NCKAP1L: variants seen among roughly 807,000 people sequenced by gnomAD.
The protein encoded by NCKAP1L is NCK associated protein 1 like.
A neutral mutation model predicts 139.2 loss-of-function variants in NCKAP1L; 53 were observed. That is an observed-to-expected ratio of 0.38 (90% CI 0.31 to 0.48). NCKAP1L has a LOEUF of 0.48. Among genes scored for constraint, NCKAP1L ranks in the 20% least tolerant of loss-of-function variants. NCKAP1L has a pLI of 0.98. For missense variants in NCKAP1L, 1,151 were observed against 1,381.9 expected, an observed-to-expected ratio of 0.83 and a Z score of 2.65; for synonymous variants, 468 against 499.7, an observed-to-expected ratio of 0.94 and a Z score of 0.85.
chr12:54,505,671 T>TC (rs1956834374), intron 3 of NCKAP1L, among the ~76,000 whole-genome samples: 1 of 151,452 alleles, frequency 6.6e-6, no homozygotes, highest in African/African-American at 2.4e-5. Context: ...TCCTCCCTTT[T>TC]TTTTTTTTGA....
At position 54,511,997 on chromosome 12, in the gene NCKAP1L, A is replaced by G; in HGVS notation, c.833A>G (p.Gln278Arg). 1 of 1,614,226 alleles carries G rather than the reference A, an allele frequency of 6.2e-7. No individual in the cohort carries two copies. Among genetic ancestry groups the G allele is most frequent in the Non-Finnish European group, 8.5e-7 (1 of 1,180,042 alleles). The change falls in exon 9 of 31, where the codon CAG becomes CGG. Residue 278 changes from glutamine to arginine, a missense_variant. Transcript: ENST00000293373. ...HGCLNSNSQC[Q>R]KLWKLCLQGS... ...TGCCTCAACTCCAATAGCCAGTGCC[A>G]GAAGCTGTGGAAGCTGTGTCTGCAG...
At chr12:54,519,049 A>G in intron 15 of NCKAP1L, 77 bp downstream of exon 15, 1 of 1,553,012 alleles carries the variant, frequency 6.4e-7, no homozygotes. Flanking sequence ...TTTATCTCCT[A>G]AATTTGCTTT....
intron 20 of NCKAP1L, 65 bp from the exon 21 acceptor site, chr12:54,526,463 C>T: frequency 1.5e-6 from 2 of 1,295,076 alleles, no homozygotes; most frequent in Non-Finnish European, 2.2e-6. Context: ...AATATACACT[C>T]AACAATTGTT....
In NCKAP1L at chr12:54,528,335, G is replaced by A. The variant is rs750642189; in HGVS notation, c.2464G>A (p.Gly822Arg). The part of the protein sequence containing the change: ...MQAFVSLPRE[G>R]EQNFSAEEFS... ...GGCCTTCGTCAGCCTGCCCAGAGAAGGGGAGCAGAACTTCAGTGCAGAGGA... is the reference window on the plus strand; with the variant it reads ...GGCCTTCGTCAGCCTGCCCAGAGAAAGGGAGCAGAACTTCAGTGCAGAGGA... The change falls in exon 22 of 31, where the codon GGG becomes AGG. Residue 822 changes from glycine to arginine, a missense_variant. Physicochemically the swap from Gly to Arg is moderately radical, Grantham distance 125 (BLOSUM62 -2). Coordinates refer to ENST00000293373, the MANE Select transcript of NCKAP1L (RefSeq NM_005337.5). 11 of 1,614,048 alleles carry A rather than the reference G, an allele frequency of 6.8e-6. No homozygotes were observed. Among genetic ancestry groups the A allele is most frequent in the Non-Finnish European group, 9.3e-6 (11 of 1,179,968 alleles).
chr12:54,521,007 G>A (rs564494607), intron 17 of NCKAP1L, 112 bp from the exon 18 acceptor site: 131 of 1,544,364 alleles, frequency 8.5e-5, no homozygotes, highest in Non-Finnish European at 3.5e-6. Context: ...TCTTCTGTAG[G>A]AATGGGTAGG....
In NCKAP1L at chr12:54,509,686, G is replaced by A. The variant is rs180951280; in HGVS notation, c.524G>A (p.Arg175His). The change falls in exon 6 of 31, where the codon CGT becomes CAT. Residue 175 changes from arginine (R) to histidine (H), a missense_variant. By Grantham distance (29) the Arg-to-His change is conservative (BLOSUM62 0). Transcript: ENST00000293373. ...LHGHGDPSFA[R>H]LGQMVLEYDH... ...TCTTCTAGTGACCCCAGTTTTGCCC[G>A]TCTGGGTCAGATGGTCTTGGAGTAT... 33 of 1,614,074 alleles carry A rather than the reference G, an allele frequency of 2.0e-5. No individual in the cohort carries two copies. The highest frequency in any genetic ancestry group is 8.9e-5 in the East Asian group (4 of 44,888).
intron 18 of NCKAP1L, among the ~76,000 whole-genome samples, chr12:54,521,603 C>A (rs922270940): frequency 8.5e-5 from 13 of 152,190 alleles, no homozygotes; most frequent in African/African-American, 3.1e-4. Flanking sequence ...CCTGTCTTAT[C>A]TCATCTTTCT....
At chr12:54,525,386 A>G (rs1015513110) in intron 20 of NCKAP1L, among the ~76,000 whole-genome samples, 1 of 152,236 alleles carries the variant, frequency 6.6e-6, no homozygotes, top group African/African-American at 2.4e-5. Flanking sequence ...TTTTCATTAC[A>G]TACACGTTAA....
chr12:54,500,496 T>G (rs1326434487), intron 2 of NCKAP1L, 37 bp from the exon 3 acceptor site: 4 of 1,376,120 alleles, frequency 2.9e-6, no homozygotes, highest in Non-Finnish European at 4.1e-6. Flanking sequence ...TGTCTTATTT[T>G]GCACTTTTTT....
intron 7 of NCKAP1L, 138 bp from the exon 8 acceptor site, chr12:54,511,665 C>T: frequency 2.4e-6 from 2 of 833,794 alleles, no homozygotes; most frequent in Non-Finnish European, 3.8e-6. Flanking sequence ...CCCCTGCCTC[C>T]TAAAGTGTTG....
rs775506512 is a variant in NCKAP1L at position 54,517,919 on chromosome 12, T to A, written c.1319T>A (p.Val440Glu). The A allele has an allele frequency of 3.0e-5, 49 of 1,614,042 alleles. No individual in the cohort carries two copies. Among genetic ancestry groups the A allele is most frequent in the Non-Finnish European group, 3.8e-5 (45 of 1,180,018 alleles). ...LQYLARFDAL[V>E]LSDIIQNLSV... ...TACTTGGCAAGATTTGATGCTCTTG[T>A]GCTCAGTGACATCATTCAGGTATGA... Residue 440 changes from valine (V) to glutamate (E), a missense_variant, in exon 13 of 31, where the codon GTG (valine) becomes GAG (glutamate). By Grantham distance (121) the Val-to-Glu change is moderately radical (BLOSUM62 -2). Coordinates refer to ENST00000293373, the MANE Select transcript of NCKAP1L (RefSeq NM_005337.5).
intron 22 of NCKAP1L, among the ~76,000 whole-genome samples, chr12:54,529,588 C>T (rs759711176): frequency 5.3e-5 from 8 of 152,266 alleles, no homozygotes; most frequent in Non-Finnish European, 7.4e-5. Context: ...CCCATCATCC[C>T]GCCTCCATCA....
At chr12:54,538,722 A>T (rs1957132960) in intron 29 of NCKAP1L, among the ~76,000 whole-genome samples, 162 bp from the exon 30 acceptor site, 1 of 152,180 alleles carries the variant, frequency 6.6e-6, no homozygotes, top group African/African-American at 2.4e-5. Flanking sequence ...GGCAACATGT[A>T]TCTCTGAAAC....
chr12:54,503,050 G>C (rs1465806712), intron 3 of NCKAP1L, among the ~76,000 whole-genome samples: 1 of 150,292 alleles, frequency 6.7e-6, no homozygotes, highest in African/African-American at 2.4e-5. Flanking sequence ...CTAATATACA[G>C]CCCATATTCA....
At chr12:54,526,806 C>A in intron 21 of NCKAP1L, 60 bp downstream of exon 21, 1 of 1,457,816 alleles carries the variant, frequency 6.9e-7, no homozygotes, top group Non-Finnish European at 9.5e-7. Flanking sequence ...TTCCTTTACA[C>A]GGTAGGACCT....
intron 27 of NCKAP1L, among the ~76,000 whole-genome samples, 160 bp downstream of exon 27, chr12:54,535,357 C>CGTAA (rs1234666699): frequency 2.0e-5 from 3 of 152,220 alleles, no homozygotes; most frequent in African/African-American, 7.2e-5. Context: ...AAAATACTTA[C>CGTAA]ATAGGCGATT....
At chr12:54,518,809 C>T in intron 14 of NCKAP1L, 77 bp downstream of exon 14, 1 of 1,519,192 alleles carries the variant, frequency 6.6e-7, no homozygotes, top group Non-Finnish European at 9.1e-7. Context: ...GATCTTTGAG[C>T]CAGGAAGTAG....
At chr12:54,515,943 GA>G (rs1956926619) in intron 9 of NCKAP1L, among the ~76,000 whole-genome samples, 1 of 152,192 alleles carries the variant, frequency 6.6e-6, no homozygotes, top group Non-Finnish European at 1.5e-5. Flanking sequence ...CACAGGAAGA[GA>G]AGTCTAGCCC....
chr12:54,508,601 C>A, intron 5 of NCKAP1L, 70 bp downstream of exon 5: 2 of 1,471,554 alleles, frequency 1.4e-6, no homozygotes, highest in Non-Finnish European at 1.9e-6. Context: ...GTCCCTCATG[C>A]AAAGGAAATT....
Sources: gnomAD v4.1 joint callset for allele counts (sites outside exome capture counted in the v4.1 genomes callset) on GRCh38, gnomAD v4.1.1 for gene constraint, MANE v1.5 for transcripts, NCBI Gene and HGNC (gene_info 2026-07-23, HGNC 2026-07-21) for gene names.